SF3B2: variants seen among roughly 807,000 people sequenced by gnomAD.
SF3B2 encodes SAP 145.
In SF3B2, 22 loss-of-function variants were observed where a neutral mutation model predicts 116.3. The observed-to-expected ratio is 0.19, with a 90% CI of 0.14 to 0.27. SF3B2 has a LOEUF of 0.27. Among genes scored for constraint, SF3B2 ranks in the 10% least tolerant of loss-of-function variants. The pLI is 1.00. For missense variants in SF3B2, 767 were observed against 1,151.4 expected (o/e 0.67, Z 4.83); for synonymous variants, 406 against 421.6 (o/e 0.96, Z 0.45).
chr11:66,052,789 C>A, intron 2 of SF3B2, 70 bp downstream of exon 2: 1 of 1,482,978 alleles, frequency 6.7e-7, no homozygotes, highest in Non-Finnish European at 9.1e-7. Flanking sequence ...CCCATCACGG[C>A]TCGGTCTTCA....
chr11:66,054,792 G>C (rs1201687826), intron 3 of SF3B2, among the ~76,000 whole-genome samples: 3 of 152,318 alleles, frequency 2.0e-5, no homozygotes, highest in African/African-American at 7.2e-5. Flanking sequence ...GTAGGATGAG[G>C]AGTCCCTAGA....
chr11:66,055,982 T>C (rs905366582), intron 5 of SF3B2: 9 of 202,882 alleles, frequency 4.4e-5, no homozygotes, highest in Non-Finnish European at 8.8e-5. Flanking sequence ...GTTATTTGTA[T>C]TGGATTTAGA....
At position 66,056,846 on chromosome 11, in the gene SF3B2, G is replaced by C. The variant is rs756419934; in HGVS notation, c.558G>C (p.Val186=). Residue 186 remains valine, a synonymous_variant, in exon 6 of 22, where the codon GTG becomes GTC. Transcript: ENST00000322535. ...CCACTTCCCTCCCGTAGGCAGCTGT[G>C]TTACTGGAGCAGGAACGACAGCAGG... is the stretch of plus-strand genomic sequence containing the variant. ...ELLEQQKRAA[V]LLEQERQQEI... 1 of 1,613,608 alleles carries C rather than the reference G, an allele frequency of 6.2e-7. No homozygotes were observed. Among genetic ancestry groups the C allele is most frequent in the Non-Finnish European group, 8.5e-7 (1 of 1,179,588 alleles).
intron 2 of SF3B2, 46 bp from the exon 3 acceptor site, chr11:66,052,981 G>C: frequency 2.5e-6 from 4 of 1,578,858 alleles, no homozygotes; most frequent in Non-Finnish European, 3.5e-6. Context: ...GTCGTTTAGT[G>C]AAACAGCTAG....
chr11:66,068,238 A>T lies in SF3B2; in HGVS notation c.2521A>T (p.Thr841Ser). 1 of 1,614,154 alleles carries T rather than the reference A, an allele frequency of 6.2e-7. No individual in the cohort carries two copies. The highest frequency in any genetic ancestry group is 8.5e-7 in the Non-Finnish European group (1 of 1,180,034). ...GTTGGAGCTGGATCCTATGGCCATG[A>T]CCCAGAAGTATGAGGAGCATGTGCG... The part of the protein sequence containing the change: ...EELELDPMAM[T>S]QKYEEHVREQ... Residue 841 changes from threonine to serine, a missense_variant, in exon 21 of 22, where the codon ACC becomes TCC. Thr to Ser is a moderately conservative substitution (Grantham distance 58). Coordinates refer to ENST00000322535, the MANE Select transcript of SF3B2 (RefSeq NM_006842.3).
At chr11:66,058,208 C>T in intron 8 of SF3B2, 58 bp downstream of exon 8, 12 of 1,576,906 alleles carry the variant, frequency 7.6e-6, no homozygotes, top group Non-Finnish European at 1.0e-5. Flanking sequence ...TGAGCTGAGT[C>T]CTCATCCCTC....
rs201094876 is a variant in SF3B2 at position 66,060,794 on chromosome 11, T to TTTTG, written c.1779+79_1779+82dup. On this transcript the variant is annotated intron_variant, in intron 14 of 21. Transcript: ENST00000322535. The stretch of plus-strand genomic sequence containing the variant: ...GGGGTTGAGACTGTCTAGGGCTTTT[T>TTTTG]TTTGTTTGTTTGTTTGTTTAAAAAA... The TTTTG allele has an allele frequency of 9.9e-5, 152 of 1,533,036 alleles. No homozygotes were observed. In the East Asian group the frequency reaches 2.1e-3, roughly 21 times the overall value. 95.0% of individuals were successfully genotyped at this position (1,533,036 alleles called of 1,614,324 possible).
chr11:66,064,343 G>A (rs1421505870), intron 19 of SF3B2, among the ~76,000 whole-genome samples: 1 of 152,074 alleles, frequency 6.6e-6, no homozygotes, highest in Non-Finnish European at 1.5e-5. Flanking sequence ...TTTAGTTGTT[G>A]CTCTGGGGTT....
At chr11:66,064,807 C>T (rs774336628) in intron 19 of SF3B2, 4 of 152,078 alleles carry the variant, frequency 2.6e-5, no homozygotes, top group African/African-American at 4.8e-5. Flanking sequence ...CATAGTGAGA[C>T]CCCATTTCTA....
intron 4 of SF3B2, 21 bp downstream of exon 4, chr11:66,055,336 G>A (rs781090992): frequency 1.2e-5 from 19 of 1,604,842 alleles, no homozygotes; most frequent in Non-Finnish European, 9.4e-6. Flanking sequence ...TGGCAGCCCT[G>A]GCCTTGGACT....
intron 9 of SF3B2, 101 bp from the exon 10 acceptor site, chr11:66,058,729 A>T: frequency 9.8e-7 from 1 of 1,022,736 alleles, no homozygotes; most frequent in Non-Finnish European, 1.4e-6. Flanking sequence ...GAAAAGCCTG[A>T]CTGTTGAACT....
Position 66,057,283 on chromosome 11 carries a change from C to G in SF3B2, c.685C>G (p.Pro229Ala), listed in dbSNP as rs759688428. ...TCTCTTAGTAGCTGCTCCAGTGGGC[C>G]CAGTGGGCCCCACTCCTACAGTTTT... The part of the protein sequence containing the change: ...LGPRVAAPVG[P>A]VGPTPTVLPM... Residue 229 changes from proline (P) to alanine (A), a missense_variant, in exon 7 of 22, where the codon CCA becomes GCA. Around this residue, in one of 4 missense-constraint regions of SF3B2, gnomAD observed 455 missense variants for 537.5 expected, o/e 0.85. Coordinates refer to ENST00000322535, the MANE Select transcript of SF3B2 (RefSeq NM_006842.3). The G allele has an allele frequency of 6.2e-7, 1 of 1,607,300 alleles. No homozygotes were observed. The highest frequency in any genetic ancestry group is 1.3e-5 in the African/African-American group (1 of 74,932).
chr11:66,060,302 TG>T (rs540730760), intron 13 of SF3B2, among the ~76,000 whole-genome samples: 7 of 152,200 alleles, frequency 4.6e-5, no homozygotes, highest in Non-Finnish European at 7.3e-5. Flanking sequence ...GAAAAGAACA[TG>T]GGGAAGTCTC....
chr11:66,068,948 C>CA lies in SF3B2; in HGVS notation c.*207dup, dbSNP rs1857242155. ...CTCATCTCCTTTTAGCCCCTTCTTGCAAAAGGACTAAAATAGTCTCTTTCT... is the reference window on the plus strand; with the variant it reads ...CTCATCTCCTTTTAGCCCCTTCTTGCAAAAAGGACTAAAATAGTCTCTTTCT... On this transcript the variant is annotated 3_prime_UTR_variant, in exon 22 of 22. Coordinates refer to ENST00000322535, the MANE Select transcript of SF3B2 (RefSeq NM_006842.3). The CA allele has an allele frequency of 1.8e-6, 1 of 549,364 alleles. No homozygotes were observed. The highest frequency in any genetic ancestry group is 2.9e-5 in the East Asian group (1 of 33,940). 34.0% of individuals were successfully genotyped at this position (549,364 alleles called of 1,614,324 possible).
intron 6 of SF3B2, 39 bp downstream of exon 6, chr11:66,056,994 AT>A: frequency 6.9e-7 from 1 of 1,444,982 alleles, no homozygotes; most frequent in Non-Finnish European, 9.7e-7. Flanking sequence ...AAGGAAGGTG[AT>A]TTAGACATTT....
At chr11:66,055,358 T>C (rs1463965900) in intron 4 of SF3B2, 43 bp downstream of exon 4, 2 of 1,596,736 alleles carry the variant, frequency 1.3e-6, no homozygotes, top group Admixed American at 1.7e-5. Context: ...ATTAGGTCCC[T>C]GAAGGGGCAG....
chr11:66,059,422 C>T lies in SF3B2; in HGVS notation c.1320+84C>T. On this transcript the variant is annotated intron_variant, in intron 11 of 21. Coordinates refer to ENST00000322535, the MANE Select transcript of SF3B2 (RefSeq NM_006842.3). The surrounding 1 kb of genome is among the most constrained non-coding windows in gnomAD (Gnocchi z 5.0). ...ATCCAGAGAGGGACCATGGTGAACT[C>T]TTACAGAGCTTTGGTGGCTTAAGGT... The T allele has an allele frequency of 6.2e-7, 1 of 1,609,774 alleles. No homozygotes were observed. The highest frequency in any genetic ancestry group is 8.5e-7 in the Non-Finnish European group (1 of 1,176,438).
At chr11:66,062,963 T>C (rs1386907753) in intron 16 of SF3B2, 46 bp from the exon 17 acceptor site, 3 of 1,344,554 alleles carry the variant, frequency 2.2e-6, no homozygotes. Context: ...CTTCAGAATT[T>C]CTTTTGCAGC....
chr11:66,052,910 C>G, intron 2 of SF3B2, 117 bp from the exon 3 acceptor site: 1 of 1,274,628 alleles, frequency 7.8e-7, no homozygotes, highest in South Asian at 1.2e-5. Flanking sequence ...TCTTCAGTGC[C>G]CAGCCAGAGC....
Sources: allele counts gnomAD v4.1 joint callset (sites outside exome capture counted in the v4.1 genomes callset), GRCh38; gene constraint gnomAD v4.1.1; regional missense constraint gnomAD v4.1.1; non-coding constraint Gnocchi (gnomAD v3.1); transcripts MANE v1.5; gene names NCBI Gene and HGNC (gene_info 2026-07-23, HGNC 2026-07-21).